Variants in HBEGF observed in about 807,000 individuals in gnomAD.
HBEGF encodes proheparin-binding EGF-like growth factor.
A neutral mutation model predicts 19.5 loss-of-function variants in HBEGF; 8 were observed. The ratio of observed to expected loss-of-function variants is 0.41; its 90% CI spans 0.24 to 0.74. The LOEUF is 0.74. HBEGF is among the 30% of genes least tolerant of loss of function. The probability of loss-of-function intolerance (pLI) is 0.32; values close to 1 mark genes in which losing one functional copy is unlikely to be tolerated. For missense variants in HBEGF, 207 were observed against 256.9 expected, an observed-to-expected ratio of 0.81 and a Z score of 1.33; for synonymous variants, 97 against 108.9, an observed-to-expected ratio of 0.89 and a Z score of 0.68.
intron 2 of HBEGF, among the ~76,000 whole-genome samples, chr5:140,345,490 G>C (rs1304772801): frequency 6.6e-6 from 1 of 152,186 alleles, no homozygotes; most frequent in East Asian, 1.9e-4. Context: ...ACTTTCTAGA[G>C]ATGTGCCTGG....
At chr5:140,337,197 G>T (rs1480437685) in intron 3 of HBEGF, among the ~76,000 whole-genome samples, 1 of 152,204 alleles carries the variant, frequency 6.6e-6, no homozygotes, top group Non-Finnish European at 1.5e-5. Flanking sequence ...CGTGCTTACA[G>T]TTGAAGAAGC....
At chr5:140,337,742 A>C (rs1461284590) in intron 3 of HBEGF, among the ~76,000 whole-genome samples, 9 of 152,180 alleles carry the variant, frequency 5.9e-5, no homozygotes, top group Non-Finnish European at 1.3e-4. Flanking sequence ...CACTATACGT[A>C]TAGCACAGTC....
rs752033428 is a variant in HBEGF at position 140,345,932 on chromosome 5, C to T, written c.199G>A (p.Ala67Thr). The T allele has an allele frequency of 6.2e-7, 1 of 1,614,232 alleles. No homozygotes were observed. ...RDRKVRDLQE[A>T]DLDLLRVTLS... ...CCACCTCTCAAAAGGTCCAGATCTG[C>T]CTCTTGCAAGTCACGGACTTTCCGG... Residue 67 changes from alanine (A) to threonine (T), a missense_variant, in exon 2 of 6, where the codon GCA becomes ACA. Physicochemically the swap from Ala to Thr is moderately conservative, Grantham distance 58. Transcript: ENST00000230990.
At chr5:140,339,999 A>C (rs1432173226) in intron 3 of HBEGF, among the ~76,000 whole-genome samples, 1 of 152,156 alleles carries the variant, frequency 6.6e-6, no homozygotes, top group African/African-American at 2.4e-5. Flanking sequence ...ACCCCCTGAA[A>C]ATCTGCCCAG....
chr5:140,339,510 A>G (rs1466034382), intron 3 of HBEGF, among the ~76,000 whole-genome samples: 1 of 152,012 alleles, frequency 6.6e-6, no homozygotes, highest in East Asian at 1.9e-4. Context: ...CTCCTGCCTC[A>G]GCCTCTCTAG....
rs61489261 is a variant in HBEGF at position 140,340,582 on chromosome 5, CAAAAAAAAAAA to C, written c.398+2042_398+2052del. ...TGGGAGACAGAGTGAGACTCTGTCT[CAAAAAAAAAAA>C]AAAAAAAAAAAAGAAAGAAAGAAAG... is the stretch of plus-strand genomic sequence containing the variant. On this transcript the variant is annotated intron_variant, in intron 3 of 5. Coordinates refer to ENST00000230990, the MANE Select transcript of HBEGF (RefSeq NM_001945.3). 2.0e-4 allele frequency among the ~76,000 whole-genome samples: 12 copies of C among 59,840 alleles called. 1 individual carries two copies. The highest frequency in any genetic ancestry group is 6.8e-4 in the African/African-American group (11 of 16,248). The allele number at this position is 59,840 out of a possible 152,430, so 39.3% of individuals were successfully genotyped here.
intron 3 of HBEGF, among the ~76,000 whole-genome samples, chr5:140,338,329 T>C (rs369445661): frequency 2.0e-5 from 3 of 152,230 alleles, no homozygotes; most frequent in African/African-American, 7.2e-5. Context: ...GAGAAGTTAC[T>C]AGCCCCATTT....
chr5:140,345,074 TG>T (rs766849342), intron 2 of HBEGF, among the ~76,000 whole-genome samples: 1 of 152,154 alleles, frequency 6.6e-6, no homozygotes, highest in Non-Finnish European at 1.5e-5. Context: ...GAAGGGCAGC[TG>T]AGGAGCAGGT....
Position 140,346,091 on chromosome 5 carries a change from G to A in HBEGF, c.47-7C>T, listed in dbSNP as rs531429073. ...GTCACCAGTGCCGAGAGAACTGCGG[G>A]CGAGAGGCCAGGCCGCATCAGACAC... On this transcript the variant is annotated splice_region_variant and splice_polypyrimidine_tract_variant and intron_variant, in intron 1 of 5. Coordinates refer to ENST00000230990, the MANE Select transcript of HBEGF (RefSeq NM_001945.3). This position sits in a 1 kb window ranked among gnomAD's most constrained non-coding sequence, Gnocchi z 6.1. 3.1e-6 allele frequency: 5 copies of A among 1,609,952 alleles called. No individual in the cohort carries two copies. Among genetic ancestry groups the A allele is most frequent in the Admixed American group, 1.7e-5 (1 of 59,566 alleles).
At chr5:140,336,132 T>C in intron 3 of HBEGF, 105 bp from the exon 4 acceptor site, 1 of 1,180,922 alleles carries the variant, frequency 8.5e-7, no homozygotes, top group Non-Finnish European at 1.2e-6. Context: ...CCTCAGCCTG[T>C]CAATCCCTGA....
At chr5:140,339,702 T>C (rs1349412942) in intron 3 of HBEGF, among the ~76,000 whole-genome samples, 1 of 151,922 alleles carries the variant, frequency 6.6e-6, no homozygotes, top group African/African-American at 2.4e-5. Context: ...CAGAAACTAC[T>C]CTTTGAGGGC....
At chr5:140,341,370 C>A (rs1450921777) in intron 3 of HBEGF, among the ~76,000 whole-genome samples, 1 of 152,200 alleles carries the variant, frequency 6.6e-6, no homozygotes, top group Non-Finnish European at 1.5e-5. Flanking sequence ...CTAATGATGC[C>A]ATTTTACAAA....
chr5:140,339,812 G>A (rs924904178), intron 3 of HBEGF, among the ~76,000 whole-genome samples: 2 of 152,128 alleles, frequency 1.3e-5, no homozygotes, highest in Non-Finnish European at 2.9e-5. Context: ...ACAGCAGCCT[G>A]GACACACCCT....
intron 4 of HBEGF, 164 bp from the exon 5 acceptor site, chr5:140,334,912 G>A (rs1488448478): frequency 9.3e-6 from 6 of 644,666 alleles, no homozygotes; most frequent in Non-Finnish European, 1.7e-5. Context: ...ACTGCCCCGA[G>A]GAACTCCTGT....
chr5:140,333,595 G>A lies in HBEGF; in HGVS notation c.*704C>T, dbSNP rs2126715237. 6.5e-6 allele frequency: 1 copy of A among 152,792 alleles called. No homozygotes were observed. Among genetic ancestry groups the A allele is most frequent in the South Asian group, 2.1e-4 (1 of 4,834 alleles). The allele number at this position is 152,792 out of a possible 1,614,324, so 9.5% of individuals were successfully genotyped here. ...AGCCAGATTGTGGGGATGAGGAGTGGAGGGCCAGGAAATTGCCAAAGTAAC... is the reference window on the plus strand; with the variant it reads ...AGCCAGATTGTGGGGATGAGGAGTGAAGGGCCAGGAAATTGCCAAAGTAAC... On this transcript the variant is annotated 3_prime_UTR_variant, in exon 6 of 6. Coordinates refer to ENST00000230990, the MANE Select transcript of HBEGF (RefSeq NM_001945.3).
chr5:140,346,333 C>G lies in HBEGF; in HGVS notation c.-5G>C. 1 of 1,607,984 alleles carries G rather than the reference C, an allele frequency of 6.2e-7. No homozygotes were observed. Among genetic ancestry groups the G allele is most frequent in the Non-Finnish European group, 8.5e-7 (1 of 1,177,642 alleles). ...CACCGACGGCAGCAGCTTCATGGTCCCGCACCGAGAGGAGGCGGCGAGGCA... is the reference window on the plus strand; with the variant it reads ...CACCGACGGCAGCAGCTTCATGGTCGCGCACCGAGAGGAGGCGGCGAGGCA... On this transcript the variant is annotated 5_prime_UTR_variant, in exon 1 of 6. Coordinates refer to ENST00000230990, the MANE Select transcript of HBEGF (RefSeq NM_001945.3). The surrounding 1 kb of genome is among the most constrained non-coding windows in gnomAD (Gnocchi z 6.1).
At position 140,346,241 on chromosome 5, in the gene HBEGF, C is replaced by T. The variant is rs534542950; in HGVS notation, c.46+42G>A. 1 of 1,581,932 alleles carries T rather than the reference C, an allele frequency of 6.3e-7. No homozygotes were observed. The highest frequency in any genetic ancestry group is 1.4e-5 in the African/African-American group (1 of 74,032). Reference sequence around the variant, plus strand: ...TTCCCCCATGCCCCCAGCACAACGCCCCCATCCCCCCGATCTCCGGGGGCG... The same window carrying T: ...TTCCCCCATGCCCCCAGCACAACGCTCCCATCCCCCCGATCTCCGGGGGCG... On this transcript the variant is annotated intron_variant, in intron 1 of 5. Coordinates refer to ENST00000230990, the MANE Select transcript of HBEGF (RefSeq NM_001945.3). The surrounding 1 kb of genome is among the most constrained non-coding windows in gnomAD (Gnocchi z 6.1).
chr5:140,344,079 A>G (rs1175141266), intron 2 of HBEGF, among the ~76,000 whole-genome samples: 1 of 152,100 alleles, frequency 6.6e-6, no homozygotes, highest in African/African-American at 2.4e-5. Context: ...CAGAGATTGC[A>G]GTGAGCTGAG....
At position 140,346,252 on chromosome 5, in the gene HBEGF, C is replaced by T. The variant is rs1431223079; in HGVS notation, c.46+31G>A. 2 of 1,590,538 alleles carry T rather than the reference C, an allele frequency of 1.3e-6. No individual in the cohort carries two copies. The highest frequency in any genetic ancestry group is 1.7e-5 in the Admixed American group (1 of 57,262). On this transcript the variant is annotated intron_variant, in intron 1 of 5. Transcript: ENST00000230990. This position sits in a 1 kb window ranked among gnomAD's most constrained non-coding sequence, Gnocchi z 6.1. Reference sequence around the variant, plus strand: ...CCCCAGCACAACGCCCCCATCCCCCCGATCTCCGGGGGCGTCGGCAGCCCT... The same window carrying T: ...CCCCAGCACAACGCCCCCATCCCCCTGATCTCCGGGGGCGTCGGCAGCCCT...
Sources: allele counts gnomAD v4.1 joint callset (sites outside exome capture counted in the v4.1 genomes callset), GRCh38; gene constraint gnomAD v4.1.1; non-coding constraint Gnocchi (gnomAD v3.1); transcripts MANE v1.5; gene names NCBI Gene and HGNC (gene_info 2026-07-23, HGNC 2026-07-21).